Variants in ITGAV observed in about 807,000 individuals in gnomAD.
ITGAV encodes integrin alpha-V.
ITGAV carries 76 observed loss-of-function variants against 143.8 expected under a neutral mutation model. The observed-to-expected ratio is 0.53, with a 90% confidence interval of 0.44 to 0.64. The LOEUF (loss-of-function observed/expected upper bound fraction) is 0.64. ITGAV is among the 30% of genes least tolerant of loss of function. ITGAV has a pLI of 0.00. For missense variants in ITGAV, 1,193 were observed against 1,274.7 expected (o/e 0.94, Z 0.98); for synonymous variants, 453 against 446.7 (o/e 1.01, Z -0.18).
At chr2:186,644,233 C>T (rs922102293) in intron 12 of ITGAV, among the ~76,000 whole-genome samples, 2 of 152,154 alleles carry the variant, frequency 1.3e-5, no homozygotes, top group Non-Finnish European at 2.9e-5. Context: ...CATGAGCTAC[C>T]GTGGCCAGCC....
intron 3 of ITGAV, among the ~76,000 whole-genome samples, chr2:186,625,063 T>G (rs1486279580): frequency 6.6e-6 from 1 of 152,176 alleles, no homozygotes; most frequent in Non-Finnish European, 1.5e-5. Flanking sequence ...AGGATAGGTT[T>G]GATTAATTTC....
chr2:186,660,209 A>G (rs1421526520), intron 18 of ITGAV, among the ~76,000 whole-genome samples: 5 of 152,014 alleles, frequency 3.3e-5, no homozygotes, highest in Admixed American at 2.0e-4. Flanking sequence ...CTTTTGATTA[A>G]TTTTCCAAAC....
chr2:186,667,591 A>G (rs1403454382), intron 23 of ITGAV, 80 bp from the exon 24 acceptor site: 11 of 652,840 alleles, frequency 1.7e-5, no homozygotes, highest in Middle Eastern at 2.7e-4. Flanking sequence ...TATTTGAGTA[A>G]TGAATATGGG....
Position 186,659,072 on chromosome 2 carries a change from T to C in ITGAV, c.1754T>C (p.Ile585Thr), listed in dbSNP as rs1559063715. The C allele has an allele frequency of 6.2e-7, 1 of 1,610,476 alleles. No individual in the cohort carries two copies. Among genetic ancestry groups the C allele is most frequent in the Non-Finnish European group, 8.5e-7 (1 of 1,177,098 alleles). ...GAATTTAGAGACAAACTCACTCCAA[T>C]TACTATTTTTATGGAATATCGGTTG... ...ESEFRDKLTP[I>T]TIFMEYRLDY... The change falls in exon 18 of 30, where the codon ATT becomes ACT. Residue 585 changes from isoleucine to threonine, a missense_variant. Transcript: ENST00000261023.
At chr2:186,654,295 T>C (rs1688522551) in intron 15 of ITGAV, among the ~76,000 whole-genome samples, 1 of 150,466 alleles carries the variant, frequency 6.6e-6, no homozygotes. Context: ...ATCGTGCCAC[T>C]GTACTCCAGC....
intron 2 of ITGAV, among the ~76,000 whole-genome samples, chr2:186,615,065 T>G (rs747407973): frequency 1.3e-5 from 2 of 152,114 alleles, no homozygotes; most frequent in Non-Finnish European, 2.9e-5. Context: ...TGTGTCTACA[T>G]ATTTTTGGTT....
intron 7 of ITGAV, 65 bp downstream of exon 7, chr2:186,636,272 G>C: frequency 3.2e-6 from 4 of 1,242,564 alleles, no homozygotes; most frequent in South Asian, 1.5e-5. Flanking sequence ...TCTGAGTATG[G>C]TCTTTTAAGT....
At chr2:186,641,245 G>A (rs1688094619) in intron 11 of ITGAV, 141 bp from the exon 12 acceptor site, 1 of 649,592 alleles carries the variant, frequency 1.5e-6, no homozygotes, top group African/African-American at 1.8e-5. Context: ...AATTTGAAAT[G>A]AGTGCTCTGG....
chr2:186,635,055 AT>A (rs1687915099), intron 6 of ITGAV, among the ~76,000 whole-genome samples: 1 of 152,122 alleles, frequency 6.6e-6, no homozygotes, highest in Non-Finnish European at 1.5e-5. Flanking sequence ...ATGTGTAATA[AT>A]TAGGACACAG....
chr2:186,593,198 T>A (rs1686661304), intron 1 of ITGAV, among the ~76,000 whole-genome samples: 1 of 152,226 alleles, frequency 6.6e-6, no homozygotes, highest in African/African-American at 2.4e-5. Flanking sequence ...TTTCCAGTTT[T>A]GGTGTCCACA....
At chr2:186,627,348 T>A (rs1687702522) in intron 4 of ITGAV, among the ~76,000 whole-genome samples, 1 of 152,210 alleles carries the variant, frequency 6.6e-6, no homozygotes, top group Non-Finnish European at 1.5e-5. Context: ...GAACCTTTCC[T>A]CTACATTATT....
At chr2:186,611,350 A>G (rs1299455772) in intron 2 of ITGAV, among the ~76,000 whole-genome samples, 1 of 152,124 alleles carries the variant, frequency 6.6e-6, no homozygotes, top group Non-Finnish European at 1.5e-5. Flanking sequence ...TTCGCCTACC[A>G]CAGTGCCCTT....
intron 17 of ITGAV, 25 bp from the exon 18 acceptor site, chr2:186,659,013 T>G (rs781195096): frequency 1.3e-6 from 2 of 1,590,988 alleles, no homozygotes; most frequent in East Asian, 2.3e-5. Flanking sequence ...ACGTTATCAT[T>G]AATTCAAAGC....
At chr2:186,633,972 G>A (rs6710584) in intron 6 of ITGAV, among the ~76,000 whole-genome samples, 2,920 of 152,164 alleles carry the variant, frequency 0.019, 100 homozygotes, top group African/African-American at 0.067. Context: ...AAGTTGTAGT[G>A]AGCCAAGATC....
intron 11 of ITGAV, 24 bp from the exon 12 acceptor site, chr2:186,641,362 G>T (rs1222279068): frequency 6.3e-7 from 1 of 1,589,484 alleles, no homozygotes; most frequent in Admixed American, 1.7e-5. Context: ...TTCTTGCTTT[G>T]GTGAGAAGTT....
At position 186,590,467 on chromosome 2, in the gene ITGAV, C is replaced by T. The variant is rs1387165630; in HGVS notation, c.129C>T (p.Gly43=). 20 of 1,612,012 alleles carry T rather than the reference C, an allele frequency of 1.2e-5. No homozygotes were observed. The highest frequency in any genetic ancestry group is 1.6e-5 in the Non-Finnish European group (19 of 1,179,290). ...LDVDSPAEYS[G]PEGSYFGFAV... is the part of the protein sequence containing the mutation. ...TGGACAGTCCTGCCGAGTACTCTGG[C>T]CCCGAGGGAAGTTACTTCGGCTTCG... Residue 43 remains glycine, a synonymous_variant, in exon 1 of 30, where the codon GGC becomes GGT. Transcript: ENST00000261023.
In ITGAV at chr2:186,678,522, ATTT is replaced by A. The variant is rs562705958; in HGVS notation, c.*1233_*1235del. 1.9e-3 allele frequency: 488 copies of A among 251,794 alleles called. 2 individuals carry two copies. Among genetic ancestry groups the A allele is most frequent in the African/African-American group, 0.011 (464 of 43,530 alleles). The allele number at this position is 251,794 out of a possible 1,614,324, so 15.6% of individuals were successfully genotyped here. On this transcript the variant is annotated 3_prime_UTR_variant, in exon 30 of 30. Transcript: ENST00000261023. ...GCTGTCAGAATAACTTCTAAAAGGT[ATTT>A]TTATAAGCAGTTCAAGTTACTGAAA...
At chr2:186,654,498 A>G in intron 15 of ITGAV, 152 bp from the exon 16 acceptor site, 1 of 524,566 alleles carries the variant, frequency 1.9e-6, no homozygotes, top group Non-Finnish European at 3.4e-6. Context: ...TAGTGTATAT[A>G]GTTTCATGTT....
intron 2 of ITGAV, among the ~76,000 whole-genome samples, chr2:186,603,678 G>A (rs985513240): frequency 3.3e-5 from 5 of 152,218 alleles, no homozygotes; most frequent in East Asian, 3.9e-4. Flanking sequence ...TTGATAGGTC[G>A]AACTCTTCAG....
Sources: gnomAD v4.1 joint callset for allele counts (sites outside exome capture counted in the v4.1 genomes callset) on GRCh38, gnomAD v4.1.1 for gene constraint, MANE v1.5 for transcripts, NCBI Gene and HGNC (gene_info 2026-07-23, HGNC 2026-07-21) for gene names.